AKAP7: variants seen among roughly 807,000 people sequenced by gnomAD.
AKAP7 encodes A-kinase anchoring protein 7, also known as A kinase (PRKA) anchor protein 7.
Under a neutral mutation model 39.5 loss-of-function variants are expected in AKAP7, and 39 were observed. The ratio of observed to expected loss-of-function variants is 0.99; its 90% CI spans 0.76 to 1.29. The LOEUF is 1.29. Ranked by LOEUF, AKAP7 falls within the 50% of genes most tolerant of loss-of-function variation. The pLI is 0.00. For missense variants in AKAP7, 414 were observed against 407.7 expected (o/e 1.02, Z -0.13); for synonymous variants, 140 against 139.1 (o/e 1.01, Z -0.05).
At chr6:131,206,237 G>A (rs1260355545) in intron 6 of AKAP7, among the ~76,000 whole-genome samples, 1 of 152,142 alleles carries the variant, frequency 6.6e-6, no homozygotes, top group Admixed American at 6.5e-5. Context: ...CCTGATTTAT[G>A]ACTCTTTCAA....
At chr6:131,184,620 C>T (rs1215794408) in intron 5 of AKAP7, 1 of 750,156 alleles carries the variant, frequency 1.3e-6, no homozygotes. Flanking sequence ...CGAAACAGGA[C>T]ACCACCTCCT....
At chr6:131,193,552 A>G (rs1162991227) in intron 5 of AKAP7, among the ~76,000 whole-genome samples, 2 of 152,144 alleles carry the variant, frequency 1.3e-5, no homozygotes, top group African/African-American at 4.8e-5. Flanking sequence ...TTTTGATATC[A>G]GGGTAATACT....
intron 3 of AKAP7, 37 bp downstream of exon 3, chr6:131,160,235 T>C: frequency 6.6e-7 from 1 of 1,522,598 alleles, no homozygotes; most frequent in African/African-American, 1.9e-5. Context: ...CTGTGAAATT[T>C]TATTCTAAAT....
chr6:131,187,556 C>G (rs1368230496), intron 5 of AKAP7, among the ~76,000 whole-genome samples: 1 of 152,144 alleles, frequency 6.6e-6, no homozygotes, highest in East Asian at 1.9e-4. Flanking sequence ...CCCTATATCT[C>G]TACTGTAGAA....
chr6:131,254,609 T>C (rs1254894979), intron 7 of AKAP7, among the ~76,000 whole-genome samples: 2 of 152,236 alleles, frequency 1.3e-5, no homozygotes, highest in Non-Finnish European at 2.9e-5. Context: ...TGAACTGACC[T>C]ACCTCATGAG....
At chr6:131,190,414 G>A (rs534361436) in intron 5 of AKAP7, among the ~76,000 whole-genome samples, 9 of 152,140 alleles carry the variant, frequency 5.9e-5, no homozygotes, top group Middle Eastern at 6.8e-3. Context: ...AAGCCAAGGC[G>A]GGCAGATCAC....
chr6:131,263,854 A>T (rs953806243), intron 7 of AKAP7, among the ~76,000 whole-genome samples: 1 of 152,152 alleles, frequency 6.6e-6, no homozygotes, highest in African/African-American at 2.4e-5. Flanking sequence ...AGCCACTCTG[A>T]TCCTAAGCTA....
chr6:131,170,924 A>G (rs1183395540), intron 5 of AKAP7, among the ~76,000 whole-genome samples: 2 of 152,204 alleles, frequency 1.3e-5, no homozygotes, highest in East Asian at 3.8e-4. Flanking sequence ...GATTTCTGTT[A>G]TGTACTTGAA....
At chr6:131,178,012 C>A (rs1019999846) in intron 5 of AKAP7, among the ~76,000 whole-genome samples, 1 of 152,210 alleles carries the variant, frequency 6.6e-6, no homozygotes, top group Admixed American at 6.5e-5. Flanking sequence ...TATATCCTCA[C>A]GCAAAGGTCT....
rs373072000 is a variant in AKAP7, at chr6:131,226,161, C to G, written c.850+6353C>G. On this transcript the variant is annotated intron_variant, in intron 7 of 7. Transcript: ENST00000431975. ...TCCCACTTACCCTGTTGTTCTTGTA[C>G]AAATCTGTTTACCTTTACACTGCCT... Among the ~76,000 whole-genome samples the G allele has an allele frequency of 1.2e-4, 18 of 152,306 alleles. 1 individual carries two copies. In the East Asian group the frequency reaches 3.3e-3, roughly 28 times the overall value.
chr6:131,271,036 C>T (rs188645802), intron 7 of AKAP7, among the ~76,000 whole-genome samples: 160 of 152,258 alleles, frequency 1.1e-3, no homozygotes, highest in African/African-American at 3.6e-3. Flanking sequence ...TGTTTTCTAA[C>T]AGGGTCCTGA....
At chr6:131,226,412 T>G (rs1039017398) in intron 7 of AKAP7, among the ~76,000 whole-genome samples, 1 of 152,228 alleles carries the variant, frequency 6.6e-6, no homozygotes, top group Non-Finnish European at 1.5e-5. Context: ...TATGCCTGCT[T>G]GTCATTGGGC....
chr6:131,211,181 A>G (rs1045083519), intron 6 of AKAP7, among the ~76,000 whole-genome samples: 2 of 152,202 alleles, frequency 1.3e-5, no homozygotes, highest in Non-Finnish European at 2.9e-5. Context: ...CCCAGTGGGT[A>G]TAGCAAAAGG....
Position 131,219,784 on chromosome 6 carries a change from C to T in AKAP7, c.826C>T (p.His276Tyr), listed in dbSNP as rs1809542859. 2 of 1,577,358 alleles carry T rather than the reference C, an allele frequency of 1.3e-6. No individual in the cohort carries two copies. The highest frequency in any genetic ancestry group is 1.7e-6 in the Non-Finnish European group (2 of 1,164,440). Residue 276 changes from histidine to tyrosine, a missense_variant, in exon 7 of 8, where the codon CAC becomes TAC. Transcript: ENST00000431975. ...GAAAAAACAAAGTAATGGTTATTATCACTGTGAATCTTCCATTGTGATTGG... is the reference window on the plus strand; with the variant it reads ...GAAAAAACAAAGTAATGGTTATTATTACTGTGAATCTTCCATTGTGATTGG... ...LKKKQSNGYY[H>Y]CESSIVIGEK...
chr6:131,182,021 G>A (rs774397227), intron 5 of AKAP7, among the ~76,000 whole-genome samples: 1 of 151,874 alleles, frequency 6.6e-6, no homozygotes, highest in Non-Finnish European at 1.5e-5. Context: ...ACCTGCTCAG[G>A]AGGCTGAGGC....
upstream of AKAP7, among the ~76,000 whole-genome samples, chr6:131,134,718 C>T (rs1266719054): frequency 1.3e-5 from 2 of 152,168 alleles, no homozygotes; most frequent in Admixed American, 6.5e-5. Flanking sequence ...GCAGCCTTTA[C>T]GCCAGCTGTT....
At chr6:131,128,736 C>T in the AKAP7 span, among the ~76,000 whole-genome samples, 1 of 148,458 alleles carries the variant, frequency 6.7e-6, no homozygotes, top group Non-Finnish European at 1.5e-5. Flanking sequence ...GCAGGAGACT[C>T]ATTTGAACCC....
chr6:131,231,806 C>CT (rs1325191554), intron 7 of AKAP7, among the ~76,000 whole-genome samples: 1 of 152,158 alleles, frequency 6.6e-6, no homozygotes, highest in Non-Finnish European at 1.5e-5. Flanking sequence ...GCTAAATACT[C>CT]TAATTCCAGT....
the AKAP7 span, among the ~76,000 whole-genome samples, chr6:131,129,645 A>G: frequency 6.6e-6 from 1 of 152,216 alleles, no homozygotes; most frequent in African/African-American, 2.4e-5. Context: ...CAGGCCCTTC[A>G]ACTGTGTCTG....
Sources: gnomAD v4.1 joint callset for allele counts (sites outside exome capture counted in the v4.1 genomes callset) on GRCh38, gnomAD v4.1.1 for gene constraint, MANE v1.5 for transcripts, NCBI Gene and HGNC (gene_info 2026-07-23, HGNC 2026-07-21) for gene names.